NUBPL: variants seen among roughly 807,000 people sequenced by gnomAD.
NUBPL encodes NUBP iron-sulfur cluster assembly factor, mitochondrial, also known as iron-sulfur cluster transfer protein NUBPL.
In NUBPL, 31 loss-of-function variants were observed where a neutral mutation model predicts 45.7. The ratio of observed to expected loss-of-function variants is 0.68; its 90% CI spans 0.51 to 0.92. The LOEUF (loss-of-function observed/expected upper bound fraction) is 0.92. NUBPL is among the 40% of genes least tolerant of loss of function. The pLI is 0.00. For synonymous variants in NUBPL, 144 were observed against 140.9 expected, an observed-to-expected ratio of 1.02 and a Z score of -0.15; for missense variants, 401 against 398.7, an observed-to-expected ratio of 1.01 and a Z score of -0.05.
chr14:31,754,820 G>A (rs1435046022), intron 6 of NUBPL, among the ~76,000 whole-genome samples: 2 of 148,292 alleles, frequency 1.3e-5, no homozygotes, highest in Admixed American at 6.7e-5. Flanking sequence ...TTAGCATTAG[G>A]TATATCTCCT....
chr14:31,733,515 C>T (rs540738433), intron 6 of NUBPL, among the ~76,000 whole-genome samples: 8 of 152,080 alleles, frequency 5.3e-5, no homozygotes, highest in Non-Finnish European at 1.2e-4. Context: ...AAAATTCTCT[C>T]AGTAGTATTT....
intron 6 of NUBPL, among the ~76,000 whole-genome samples, chr14:31,722,122 G>A (rs1177071987): frequency 2.6e-5 from 4 of 152,036 alleles, no homozygotes; most frequent in African/African-American, 4.8e-5. Context: ...TCAGCCTCCC[G>A]AGTAGCTGGG....
intron 7 of NUBPL, among the ~76,000 whole-genome samples, chr14:31,820,596 G>T (rs1397737553): frequency 6.6e-6 from 1 of 152,138 alleles, no homozygotes; most frequent in Non-Finnish European, 1.5e-5. Flanking sequence ...GGCAGAGACA[G>T]GTGGATCACC....
chr14:31,617,461 G>A (rs1019371079), intron 4 of NUBPL, among the ~76,000 whole-genome samples: 15 of 152,128 alleles, frequency 9.9e-5, no homozygotes, highest in African/African-American at 3.1e-4. Flanking sequence ...TCAATACCTA[G>A]TTTATTGAGA....
At chr14:31,821,627 G>A (rs1010114755) in intron 7 of NUBPL, among the ~76,000 whole-genome samples, 14 of 152,140 alleles carry the variant, frequency 9.2e-5, no homozygotes, top group African/African-American at 3.1e-4. Context: ...ACAGTTTCGA[G>A]GTTCCTCAAA....
At chr14:31,637,056 A>G (rs1371421888) in intron 4 of NUBPL, among the ~76,000 whole-genome samples, 1 of 152,040 alleles carries the variant, frequency 6.6e-6, no homozygotes, top group Non-Finnish European at 1.5e-5. Flanking sequence ...GGATTCATTA[A>G]TTTTTTGAAG....
At chr14:31,568,693 AATG>A (rs991152425) in intron 3 of NUBPL, among the ~76,000 whole-genome samples, 1 of 152,228 alleles carries the variant, frequency 6.6e-6, no homozygotes, top group African/African-American at 2.4e-5. Context: ...CTATAAATAG[AATG>A]ATGTCTTTTG....
chr14:31,566,722 C>T (rs1352794223), intron 3 of NUBPL, among the ~76,000 whole-genome samples: 1 of 151,976 alleles, frequency 6.6e-6, no homozygotes, highest in African/African-American at 2.4e-5. Context: ...GAAGATTATC[C>T]TGGATTATCT....
intron 7 of NUBPL, among the ~76,000 whole-genome samples, chr14:31,809,305 C>T (rs1047932713): frequency 1.1e-4 from 16 of 152,082 alleles, no homozygotes; most frequent in South Asian, 6.2e-4. Flanking sequence ...GCCTGTTACT[C>T]GCTATTCAGA....
chr14:31,711,109 C>T (rs573660536), intron 6 of NUBPL, among the ~76,000 whole-genome samples: 2 of 152,206 alleles, frequency 1.3e-5, no homozygotes, highest in Non-Finnish European at 2.9e-5. Context: ...ATGGGTGAGT[C>T]TCGCTTGGGC....
intron 7 of NUBPL, among the ~76,000 whole-genome samples, chr14:31,815,902 A>T (rs1366271754): frequency 6.6e-6 from 1 of 152,180 alleles, no homozygotes; most frequent in East Asian, 1.9e-4. Context: ...ATAATGGTGG[A>T]TAAGCTTTTT....
intron 4 of NUBPL, among the ~76,000 whole-genome samples, chr14:31,648,147 A>G (rs1390544262): frequency 6.6e-6 from 1 of 152,258 alleles, no homozygotes; most frequent in Non-Finnish European, 1.5e-5. Flanking sequence ...AAGATGAAAA[A>G]GAGAAGAAAA....
intron 3 of NUBPL, among the ~76,000 whole-genome samples, chr14:31,574,085 T>C (rs2033656876): frequency 6.6e-6 from 1 of 152,208 alleles, no homozygotes; most frequent in South Asian, 2.1e-4. Flanking sequence ...TCAATACATA[T>C]TATGCTTTAT....
intron 7 of NUBPL, among the ~76,000 whole-genome samples, chr14:31,812,120 C>T (rs1350014969): frequency 6.6e-6 from 1 of 152,214 alleles, no homozygotes. Context: ...AGGAGGTGGT[C>T]TGTCTGTTCT....
chr14:31,731,594 A>G (rs772664463), intron 6 of NUBPL, among the ~76,000 whole-genome samples: 1 of 152,206 alleles, frequency 6.6e-6, no homozygotes, highest in Non-Finnish European at 1.5e-5. Context: ...CCAGGAATGG[A>G]TACAAAGAAC....
intron 8 of NUBPL, among the ~76,000 whole-genome samples, chr14:31,835,962 G>T (rs939484511): frequency 6.6e-6 from 1 of 152,146 alleles, no homozygotes; most frequent in Non-Finnish European, 1.5e-5. Context: ...CAACCAGCAA[G>T]CATTTAACCT....
intron 4 of NUBPL, 47 bp downstream of exon 4, chr14:31,599,426 TA>T: frequency 7.8e-7 from 1 of 1,274,230 alleles, no homozygotes; most frequent in Non-Finnish European, 1.1e-6. Context: ...GCACTTTTAT[TA>T]ATACTTACTG....
At chr14:31,604,608 G>A (rs921858258) in intron 4 of NUBPL, among the ~76,000 whole-genome samples, 5 of 152,122 alleles carry the variant, frequency 3.3e-5, no homozygotes, top group African/African-American at 1.2e-4. Context: ...TTAAATAGAT[G>A]TATGGCAATG....
intron 7 of NUBPL, among the ~76,000 whole-genome samples, chr14:31,802,950 C>G (rs2039620612): frequency 6.6e-6 from 1 of 152,254 alleles, no homozygotes; most frequent in African/African-American, 2.4e-5. Context: ...GGTGTCAGGC[C>G]TATTGTCACA....
Sources: gnomAD v4.1 joint callset for allele counts (sites outside exome capture counted in the v4.1 genomes callset) on GRCh38, gnomAD v4.1.1 for gene constraint, MANE v1.5 for transcripts, NCBI Gene and HGNC (gene_info 2026-07-23, HGNC 2026-07-21) for gene names.